The following ARHGAP27 variants were observed in gnomAD, a reference collection of about 807,000 sequenced individuals.
The protein encoded by ARHGAP27 is rho GTPase-activating protein 27.
ARHGAP27 carries 53 observed loss-of-function variants against 102.0 expected under a neutral mutation model. The observed-to-expected ratio is 0.52, with a 90% CI of 0.42 to 0.65. The LOEUF is 0.65. Among genes scored for constraint, ARHGAP27 ranks in the 30% least tolerant of loss-of-function variants. The pLI is 0.00. For synonymous variants in ARHGAP27, 525 were observed against 542.8 expected (o/e 0.97, Z 0.46); for missense variants, 1,117 against 1,256.2 (o/e 0.89, Z 1.68).
At position 45,404,926 on chromosome 17, in the gene ARHGAP27, G is replaced by C. The variant is rs1439563996; in HGVS notation, c.1246C>G (p.Gln416Glu). Residue 416 changes from glutamine (Q) to glutamate (E), a missense_variant and splice_region_variant, in exon 6 of 20, where the codon CAG (glutamine) becomes GAG (glutamate). Physicochemically the swap from Gln to Glu is conservative, Grantham distance 29 (BLOSUM62 2). This residue lies in a region of ARHGAP27 where 610 missense variants were observed against 716.4 expected (regional missense o/e 0.85). Transcript: ENST00000685559. ...MLYTNHFTQE[Q>E]WVRLEDPHGK... ...GTCCATCTGCCCCCTGCCCCTACCTGCTCCTGAGTGAAGTGGTTGGTGTAG... is the reference window on the plus strand; with the variant it reads ...GTCCATCTGCCCCCTGCCCCTACCTCCTCCTGAGTGAAGTGGTTGGTGTAG... 1 of 1,613,974 alleles carries C rather than the reference G, an allele frequency of 6.2e-7. No individual in the cohort carries two copies. Among genetic ancestry groups the C allele is most frequent in the African/African-American group, 1.3e-5 (1 of 74,892 alleles).
chr17:45,409,931 G>A (rs2047700627), intron 4 of ARHGAP27: 2 of 407,324 alleles, frequency 4.9e-6, no homozygotes, highest in Non-Finnish European at 8.8e-6. Context: ...CAGGCCAGAG[G>A]AGGAGCCAAG....
intron 4 of ARHGAP27, chr17:45,410,260 C>A (rs1567714196): frequency 6.5e-7 from 1 of 1,533,552 alleles, no homozygotes; most frequent in Non-Finnish European, 8.7e-7. Context: ...ACTCTGCCTC[C>A]TGGTCACTTT....
intron 5 of ARHGAP27, among the ~76,000 whole-genome samples, chr17:45,405,409 C>A (rs2144530058): frequency 6.6e-6 from 1 of 151,488 alleles, no homozygotes; most frequent in African/African-American, 2.4e-5. Flanking sequence ...CCCATCCTGC[C>A]CCACCCCTCA....
chr17:45,422,870 T>C (rs1567732077), intron 4 of ARHGAP27, among the ~76,000 whole-genome samples: 3 of 152,156 alleles, frequency 2.0e-5, no homozygotes, highest in Non-Finnish European at 2.9e-5. Flanking sequence ...GTACCTTATA[T>C]CCCTTAAATA....
rs749728893 is a variant in ARHGAP27, at chr17:45,404,476, G to A, written c.1382C>T (p.Thr461Ile). ...SIHKSSQDGD[T>I]PAQASPPEEK... ...CTCTGGAGGGCTGGCCTGGGCTGGG[G>A]TGTCACCATCCTGGCTGGATTTATG... Residue 461 changes from threonine to isoleucine, a missense_variant, in exon 8 of 20, where the codon ACC becomes ATC. This residue lies in a region of ARHGAP27 where 610 missense variants were observed against 716.4 expected (regional missense o/e 0.85). Coordinates refer to ENST00000685559, the MANE Select transcript of ARHGAP27 (RefSeq NM_001282290.2). 8 of 1,613,890 alleles carry A rather than the reference G, an allele frequency of 5.0e-6. No homozygotes were observed. The South Asian group carries it at 5.5e-5, about 11-fold the overall frequency.
intron 4 of ARHGAP27, among the ~76,000 whole-genome samples, chr17:45,416,056 G>GT (rs1246293953): frequency 7.1e-6 from 1 of 140,394 alleles, no homozygotes; most frequent in Admixed American, 7.1e-5. Flanking sequence ...TTTGTTTTTT[G>GT]TTTTTTTGAG....
At chr17:45,416,026 G>GT (rs1380133782) in intron 4 of ARHGAP27, among the ~76,000 whole-genome samples, 5 of 147,048 alleles carry the variant, frequency 3.4e-5, no homozygotes, top group African/African-American at 1.2e-4. Context: ...GCATGCTGAA[G>GT]TTTTTGTTTT....
In ARHGAP27 at chr17:45,396,125, G is replaced by A. The variant is rs762337405; in HGVS notation, c.2252-8C>T. The A allele has an allele frequency of 6.2e-7, 1 of 1,606,670 alleles. No homozygotes were observed. The highest frequency in any genetic ancestry group is 1.1e-5 in the South Asian group (1 of 90,218). ...CCAGGTCAAGGCGCTCATCTGTGGC[G>A]GAGGAAGGGAGGAGGACGGAAGGGA... On this transcript the variant is annotated splice_region_variant and splice_polypyrimidine_tract_variant and intron_variant, in intron 17 of 19. Transcript: ENST00000685559.
chr17:45,415,217 C>T (rs2048338825), intron 4 of ARHGAP27, among the ~76,000 whole-genome samples: 1 of 152,180 alleles, frequency 6.6e-6, no homozygotes, highest in Non-Finnish European at 1.5e-5. Flanking sequence ...TCTACCACTT[C>T]CTTGATGATA....
chr17:45,424,511 C>T (rs2049354681), intron 4 of ARHGAP27, among the ~76,000 whole-genome samples: 1 of 152,208 alleles, frequency 6.6e-6, no homozygotes, highest in African/African-American at 2.4e-5. Flanking sequence ...CACTGACCAC[C>T]CATCCAGGCT....
At chr17:45,413,225 C>T (rs113603522) in intron 4 of ARHGAP27, among the ~76,000 whole-genome samples, 13 of 151,984 alleles carry the variant, frequency 8.6e-5, no homozygotes, top group African/African-American at 2.7e-4. Context: ...AGTGATCCGC[C>T]GCCTTGGTCT....
chr17:45,395,985 A>T lies in ARHGAP27; in HGVS notation c.2384T>A (p.Ile795Asn), dbSNP rs1047860444. The change falls in exon 18 of 20, where the codon ATC (isoleucine) becomes AAC (asparagine). Residue 795 changes from isoleucine to asparagine, a missense_variant and splice_region_variant. This residue lies in a region of ARHGAP27 where 493 missense variants were observed against 505.5 expected (regional missense o/e 0.98). Transcript: ENST00000685559. ...CCCCACCTGCCCCAGGTGCTCACTG[A>T]TGGCCGCAATGAACTGGCGGAAGTG... is the stretch of plus-strand genomic sequence containing the variant. ...FSHFRQFIAA[I>N]KLQDQARRSR... is the part of the protein sequence containing the mutation. 1 of 1,609,156 alleles carries T rather than the reference A, an allele frequency of 6.2e-7. No individual in the cohort carries two copies. Among genetic ancestry groups the T allele is most frequent in the Admixed American group, 1.7e-5 (1 of 59,574 alleles).
rs1171685792 is a variant in ARHGAP27, at chr17:45,419,524, A to G, written c.657+10099T>C. 1.4e-3 allele frequency among the ~76,000 whole-genome samples: 30 copies of G among 20,972 alleles called. 1 individual carries two copies. The highest frequency in any genetic ancestry group is 2.8e-3 in the African/African-American group (28 of 10,106). The allele number at this position is 20,972 out of a possible 152,430, so 13.8% of individuals were successfully genotyped here. A position where few individuals can be genotyped will look rare whatever the true frequency, so the allele number is the denominator to read the frequency against. On this transcript the variant is annotated intron_variant, in intron 4 of 19. Coordinates refer to ENST00000685559, the MANE Select transcript of ARHGAP27 (RefSeq NM_001282290.2). ...ACTTATGCTGTATGTATATATATAT[A>G]TATATATATATATATATATATATAT... is the stretch of plus-strand genomic sequence containing the variant.
rs1367172652 is a variant in ARHGAP27, at chr17:45,405,932, G to A, written c.809C>T (p.Thr270Met). Reference sequence around the variant, plus strand: ...GGGCGACTCCCAGGTGGTAACTCCCGTGTCTGGGTTGTAGTAGTAGGGGCG... The same window carrying A: ...GGGCGACTCCCAGGTGGTAACTCCCATGTCTGGGTTGTAGTAGTAGGGGCG... Reference protein sequence around the residue: ...TGRPYYYNPDTGVTTWESPFE... With the variant: ...TGRPYYYNPDMGVTTWESPFE... Residue 270 changes from threonine to methionine, a missense_variant, in exon 5 of 20, where the codon ACG becomes ATG. By Grantham distance (81) the Thr-to-Met change is moderately conservative. This residue lies in a region of ARHGAP27 where 610 missense variants were observed against 716.4 expected (regional missense o/e 0.85). Transcript: ENST00000685559. 3.3e-6 allele frequency: 5 copies of A among 1,535,824 alleles called. No individual in the cohort carries two copies. The highest frequency in any genetic ancestry group is 4.4e-6 in the Non-Finnish European group (5 of 1,146,820).
chr17:45,403,841 C>T (rs1008484899), intron 10 of ARHGAP27, 132 bp from the exon 11 acceptor site: 110 of 985,808 alleles, frequency 1.1e-4, no homozygotes, highest in Non-Finnish European at 1.4e-4. Context: ...GCTGGAATCC[C>T]GACTCTAACA....
intron 12 of ARHGAP27, among the ~76,000 whole-genome samples, chr17:45,399,246 T>G (rs1470941775): frequency 6.6e-6 from 1 of 152,220 alleles, no homozygotes; most frequent in Non-Finnish European, 1.5e-5. Context: ...TGGATTGGAC[T>G]ATCTTTGCTG....
rs1413425692 is a variant in ARHGAP27 at position 45,395,556 on chromosome 17, G to A, written c.2570C>T (p.Pro857Leu). 4.4e-6 allele frequency: 7 copies of A among 1,604,406 alleles called. No homozygotes were observed. The highest frequency in any genetic ancestry group is 6.0e-6 in the Non-Finnish European group (7 of 1,175,768). The change falls in exon 20 of 20, where the codon CCC becomes CTC. Residue 857 changes from proline to leucine, a missense_variant. Transcript: ENST00000685559. ...GGGCATGCTGGTCTCTTCCACCTCGGGCCGCAGCAGCGTGGGCCCGAACAC... is the reference window on the plus strand; with the variant it reads ...GGGCATGCTGGTCTCTTCCACCTCGAGCCGCAGCAGCGTGGGCCCGAACAC... ...AIVFGPTLLR[P>L]EVEETSMPMT...
chr17:45,431,885 G>T (rs1484877423), intron 2 of ARHGAP27, 133 bp from the exon 3 acceptor site: 1 of 184,652 alleles, frequency 5.4e-6, no homozygotes, highest in Admixed American at 6.4e-5. Context: ...TTGGGACGAG[G>T]CCCAGAGCAG....
chr17:45,427,570 G>A lies in ARHGAP27; in HGVS notation c.657+2053C>T, dbSNP rs2049741722. 6.6e-6 allele frequency among the ~76,000 whole-genome samples: 1 copy of A among 152,270 alleles called. No homozygotes were observed. The highest frequency in any genetic ancestry group is 2.4e-5 in the African/African-American group (1 of 41,478). ...AGAGCAGGGATGGGGTTCCCTTGCG[G>A]GGGCAGGGCCAACTCCCTACCCTGG... On this transcript the variant is annotated intron_variant, in intron 4 of 19. Coordinates refer to ENST00000685559, the MANE Select transcript of ARHGAP27 (RefSeq NM_001282290.2). The surrounding 1 kb of genome is among the most constrained non-coding windows in gnomAD (Gnocchi z 4.5).
Sources: allele counts gnomAD v4.1 joint callset (sites outside exome capture counted in the v4.1 genomes callset), GRCh38; gene constraint gnomAD v4.1.1; regional missense constraint gnomAD v4.1.1; non-coding constraint Gnocchi (gnomAD v3.1); transcripts MANE v1.5; gene names NCBI Gene and HGNC (gene_info 2026-07-23, HGNC 2026-07-21).